PHC3: variants seen among roughly 807,000 people sequenced by gnomAD.
PHC3 encodes polyhomeotic-like protein 3.
PHC3 carries 13 observed loss-of-function variants against 107.4 expected under a neutral mutation model. The observed-to-expected ratio is 0.12, with a 90% confidence interval of 0.08 to 0.19. PHC3 has a LOEUF of 0.19. PHC3 is among the 10% of genes least tolerant of loss of function. PHC3 has a pLI of 1.00. For missense variants in PHC3, 992 were observed against 1,210.9 expected (o/e 0.82, Z 2.68); for synonymous variants, 456 against 427.4 (o/e 1.07, Z -0.83).
In PHC3 at chr3:170,102,929, T is replaced by G; in HGVS notation, c.2474A>C (p.Asn825Thr). The G allele has an allele frequency of 6.2e-7, 1 of 1,611,244 alleles. No individual in the cohort carries two copies. The highest frequency in any genetic ancestry group is 8.5e-7 in the Non-Finnish European group (1 of 1,178,270). ...FCTMSCAKRY[N>T]VSCSKKFALS... The stretch of plus-strand genomic sequence containing the variant: ...TGCAAATTTTTTAGAACAGCTAACA[T>G]TGTACCTAAGAAATTCAAGAAAGAA... The change falls in exon 13 of 15, where the codon AAT (asparagine) becomes ACT (threonine). Residue 825 changes from asparagine (N) to threonine (T), a missense_variant. Asn to Thr is a moderately conservative substitution (Grantham distance 65). Transcript: ENST00000495893.
chr3:170,113,941 T>G (rs2108351195), intron 10 of PHC3, among the ~76,000 whole-genome samples: 1 of 152,334 alleles, frequency 6.6e-6, no homozygotes, highest in East Asian at 1.9e-4. Context: ...TTTTTTTAAC[T>G]TTAAAAAGTC....
chr3:170,181,674 C>T (rs373922787), intron 1 of PHC3, 28 bp downstream of exon 1: 9 of 1,613,180 alleles, frequency 5.6e-6, no homozygotes, highest in African/African-American at 4.0e-5. Context: ...CCCCTAGTTA[C>T]GACATCAGTC....
chr3:170,104,407 T>C (rs1716072896), intron 12 of PHC3, among the ~76,000 whole-genome samples: 1 of 152,192 alleles, frequency 6.6e-6, no homozygotes, highest in Non-Finnish European at 1.5e-5. Context: ...GTTTCATTTT[T>C]ACATATATGA....
intron 12 of PHC3, among the ~76,000 whole-genome samples, chr3:170,103,606 CTA>C (rs1162607774): frequency 2.0e-5 from 3 of 152,056 alleles, no homozygotes; most frequent in African/African-American, 7.2e-5. Flanking sequence ...TAAAAGAATC[CTA>C]TGTCTTTTAA....
chr3:170,122,074 G>A (rs1380865800), intron 9 of PHC3, among the ~76,000 whole-genome samples: 1 of 152,066 alleles, frequency 6.6e-6, no homozygotes, highest in Non-Finnish European at 1.5e-5. Context: ...GCAACGGGAT[G>A]AGACCCTATC....
At chr3:170,117,993 A>G (rs996826463) in intron 9 of PHC3, among the ~76,000 whole-genome samples, 3 of 152,222 alleles carry the variant, frequency 2.0e-5, no homozygotes, top group Non-Finnish European at 2.9e-5. Flanking sequence ...AGCCTGGGCG[A>G]CAAGAGTGAA....
At chr3:170,139,636 A>G (rs1723705415) in intron 6 of PHC3, among the ~76,000 whole-genome samples, 1 of 152,188 alleles carries the variant, frequency 6.6e-6, no homozygotes, top group Non-Finnish European at 1.5e-5. Context: ...ACTTACATAC[A>G]CTATGTTGTA....
chr3:170,172,793 G>C, intron 2 of PHC3, 81 bp from the exon 3 acceptor site: 1 of 1,480,258 alleles, frequency 6.8e-7, no homozygotes, highest in Non-Finnish European at 9.1e-7. Context: ...TAAAAAAGTG[G>C]CAGTTTAAAA....
intron 6 of PHC3, among the ~76,000 whole-genome samples, chr3:170,137,420 G>GC (rs1174789168): frequency 6.6e-6 from 1 of 152,098 alleles, no homozygotes; most frequent in Non-Finnish European, 1.5e-5. Context: ...ACAGCAAGAT[G>GC]CAAGACAGAA....
At chr3:170,172,958 C>T (rs761162803) in intron 2 of PHC3, among the ~76,000 whole-genome samples, 2 of 152,116 alleles carry the variant, frequency 1.3e-5, no homozygotes, top group African/African-American at 4.8e-5. Flanking sequence ...TTTGGGAGGC[C>T]GAGGTGGGCG....
intron 5 of PHC3, among the ~76,000 whole-genome samples, chr3:170,146,822 C>T (rs1234038268): frequency 2.0e-5 from 3 of 150,582 alleles, no homozygotes; most frequent in African/African-American, 4.9e-5. Flanking sequence ...CGTGAGCCAC[C>T]GTGCCCAGCT....
chr3:170,113,551 A>C (rs1215808516), intron 10 of PHC3, 32 bp from the exon 11 acceptor site: 2 of 1,565,064 alleles, frequency 1.3e-6, no homozygotes, highest in Non-Finnish European at 1.7e-6. Flanking sequence ...AAAATGAAAC[A>C]ATCTCCAAAA....
chr3:170,168,144 A>G (rs1729015419), intron 4 of PHC3, among the ~76,000 whole-genome samples: 1 of 151,208 alleles, frequency 6.6e-6, no homozygotes, highest in South Asian at 2.1e-4. Context: ...CCTCAGAGGA[A>G]GACTCTGTCA....
intron 4 of PHC3, among the ~76,000 whole-genome samples, chr3:170,153,275 A>G (rs896403263): frequency 6.6e-6 from 1 of 152,100 alleles, no homozygotes; most frequent in Non-Finnish European, 1.5e-5. Flanking sequence ...TCAGTCACGT[A>G]TCTTGTTTCT....
At chr3:170,108,846 C>T (rs1246852846) in intron 11 of PHC3, among the ~76,000 whole-genome samples, 1 of 152,074 alleles carries the variant, frequency 6.6e-6, no homozygotes, top group African/African-American at 2.4e-5. Flanking sequence ...TTTCAAAGAT[C>T]TTTTGTTAAT....
At chr3:170,117,012 T>C in intron 10 of PHC3, 1 of 572,434 alleles carries the variant, frequency 1.7e-6, no homozygotes, top group Non-Finnish European at 2.9e-6. Context: ...ATTTTTTTCA[T>C]TTTTTCCCTT....
intron 4 of PHC3, among the ~76,000 whole-genome samples, chr3:170,149,611 C>T (rs968045553): frequency 3.9e-5 from 6 of 152,102 alleles, no homozygotes; most frequent in Non-Finnish European, 7.4e-5. Flanking sequence ...TACGCCACCA[C>T]GCCCGGCTAA....
chr3:170,111,847 C>G (rs971076846), intron 11 of PHC3, among the ~76,000 whole-genome samples: 1 of 151,882 alleles, frequency 6.6e-6, no homozygotes, highest in African/African-American at 2.4e-5. Flanking sequence ...CATGCTATTT[C>G]GCTTAATTTA....
chr3:170,157,249 T>C (rs770959681), intron 4 of PHC3, among the ~76,000 whole-genome samples: 4 of 152,194 alleles, frequency 2.6e-5, no homozygotes, highest in Non-Finnish European at 4.4e-5. Flanking sequence ...AAATGCAGAA[T>C]ACCTGTGTTT....
Sources: allele counts gnomAD v4.1 joint callset (sites outside exome capture counted in the v4.1 genomes callset), GRCh38; gene constraint gnomAD v4.1.1; transcripts MANE v1.5; gene names NCBI Gene and HGNC (gene_info 2026-07-23, HGNC 2026-07-21).